CCDC7: variants seen among roughly 807,000 people sequenced by gnomAD.
CCDC7 encodes the protein coiled-coil domain-containing protein 7.
CCDC7 carries 183 observed loss-of-function variants against 196.9 expected under a neutral mutation model. The observed-to-expected ratio is 0.93, with a 90% CI of 0.82 to 1.05. The LOEUF (loss-of-function observed/expected upper bound fraction) is 1.05, where lower values mean the gene tolerates loss of function less well. Among genes scored for constraint, CCDC7 ranks in the 50% least tolerant of loss-of-function variants. The pLI, the probability that CCDC7 is intolerant of heterozygous loss-of-function variation, is 0.00. For missense variants in CCDC7, 1,540 were observed against 1,482.2 expected (o/e 1.04, Z -0.64); for synonymous variants, 525 against 484.6 (o/e 1.08, Z -1.10).
At chr10:32,559,708 C>T (rs1314522648) in intron 13 of CCDC7, among the ~76,000 whole-genome samples, 1 of 149,628 alleles carries the variant, frequency 6.7e-6, no homozygotes, top group Non-Finnish European at 1.5e-5. Flanking sequence ...TAGATAAAAC[C>T]ACAAAGATGG....
intron 28 of CCDC7, among the ~76,000 whole-genome samples, chr10:32,733,993 G>A (rs1205004631): frequency 6.6e-6 from 1 of 152,108 alleles, no homozygotes; most frequent in Non-Finnish European, 1.5e-5. Flanking sequence ...GTGTAAATTC[G>A]TTCAACCATT....
intron 28 of CCDC7, among the ~76,000 whole-genome samples, chr10:32,760,423 T>G (rs11599802): frequency 0.83 from 125,649 of 150,896 alleles, 52,922 homozygotes; most frequent in Non-Finnish European, 0.9. Flanking sequence ...CCATAAAAAA[T>G]GATGAGTTCA....
At chr10:32,523,340 G>C (rs1311629620) in intron 11 of CCDC7, among the ~76,000 whole-genome samples, 1 of 152,086 alleles carries the variant, frequency 6.6e-6, no homozygotes, top group East Asian at 1.9e-4. Context: ...GAGCTCAGGA[G>C]TTCAAAACCA....
chr10:32,669,428 C>T (rs986871206), intron 21 of CCDC7, among the ~76,000 whole-genome samples: 7 of 151,986 alleles, frequency 4.6e-5, no homozygotes, highest in African/African-American at 7.3e-5. Context: ...CTCTCTTCTT[C>T]TATTTTTTTG....
At chr10:32,564,373 T>C (rs909714767) in intron 13 of CCDC7, among the ~76,000 whole-genome samples, 1 of 152,152 alleles carries the variant, frequency 6.6e-6, no homozygotes, top group African/African-American at 2.4e-5. Context: ...GTGGCACTAT[T>C]CACAATAGCA....
At chr10:32,574,315 T>A in intron 16 of CCDC7, 1 of 509,816 alleles carries the variant, frequency 2.0e-6, no homozygotes, top group Non-Finnish European at 2.7e-6. Context: ...ATATATTATA[T>A]AATAATATAA....
chr10:32,475,023 G>A (rs762435657), intron 8 of CCDC7, among the ~76,000 whole-genome samples: 154 of 152,308 alleles, frequency 1.0e-3, no homozygotes, highest in Admixed American at 2.0e-3. Flanking sequence ...AGAGAGCTCT[G>A]ACTGACTAGG....
intron 23 of CCDC7, among the ~76,000 whole-genome samples, chr10:32,692,439 G>C (rs1186372935): frequency 6.6e-6 from 1 of 152,180 alleles, no homozygotes; most frequent in Non-Finnish European, 1.5e-5. Flanking sequence ...AAACCGCATG[G>C]TGTCTGCTGG....
intron 9 of CCDC7, among the ~76,000 whole-genome samples, chr10:32,497,775 T>G (rs561223057): frequency 1.3e-5 from 2 of 152,316 alleles, no homozygotes; most frequent in East Asian, 3.9e-4. Context: ...TTATGATTTC[T>G]GTTCTCTTGC....
chr10:32,592,122 T>TG (rs1171628687), intron 18 of CCDC7, among the ~76,000 whole-genome samples: 1 of 152,228 alleles, frequency 6.6e-6, no homozygotes, highest in African/African-American at 2.4e-5. Flanking sequence ...CATATCACCT[T>TG]GGTAATCCAA....
Position 32,724,295 on chromosome 10 carries a change from A to T in CCDC7, c.2570-2439A>T, listed in dbSNP as rs188393310. On this transcript the variant is annotated intron_variant, in intron 25 of 41. Transcript: ENST00000639629. ...ACATCTCCCAAAAAATTTCCATGGG[A>T]TCCTCGGGGTTCTTTTCTTTTCTAG... 3.3e-5 allele frequency among the ~76,000 whole-genome samples: 5 copies of T among 152,134 alleles called. No homozygotes were observed. The East Asian group carries it at 9.7e-4, about 29-fold the overall frequency.
At chr10:32,692,715 C>T (rs891923384) in intron 23 of CCDC7, among the ~76,000 whole-genome samples, 1 of 152,196 alleles carries the variant, frequency 6.6e-6, no homozygotes, top group Non-Finnish European at 1.5e-5. Flanking sequence ...TAACAATTAA[C>T]CTTATTCACT....
At chr10:32,752,226 A>G (rs1003653306) in intron 28 of CCDC7, among the ~76,000 whole-genome samples, 1 of 150,370 alleles carries the variant, frequency 6.7e-6, no homozygotes, top group Non-Finnish European at 1.5e-5. Flanking sequence ...GAGGTTGACT[A>G]GTATTTATAG....
rs188896996 is a variant in CCDC7, at chr10:32,750,042, C to G, written c.2905+20585C>G. 6.6e-5 allele frequency among the ~76,000 whole-genome samples: 10 copies of G among 152,082 alleles called. No homozygotes were observed. In the East Asian group the frequency reaches 1.9e-3, roughly 29 times the overall value. ...TTGCCAATATTCAACTATTTTTGAC[C>G]TATAAGAAAATGACAAATTCATGTG... On this transcript the variant is annotated intron_variant, in intron 28 of 41. Transcript: ENST00000639629.
intron 24 of CCDC7, among the ~76,000 whole-genome samples, chr10:32,697,586 C>T (rs1306705248): frequency 7.9e-5 from 12 of 152,136 alleles, no homozygotes; most frequent in Admixed American, 6.6e-4. Flanking sequence ...CACAGCAATC[C>T]GAGATCAAAC....
intron 20 of CCDC7, among the ~76,000 whole-genome samples, chr10:32,648,690 T>C (rs778791433): frequency 2.6e-5 from 4 of 152,216 alleles, no homozygotes; most frequent in Non-Finnish European, 4.4e-5. Context: ...TCTTTGACAT[T>C]TTAATAATAG....
chr10:32,794,199 A>C (rs933069209), intron 29 of CCDC7, among the ~76,000 whole-genome samples: 1 of 152,104 alleles, frequency 6.6e-6, no homozygotes, highest in African/African-American at 2.4e-5. Flanking sequence ...CTGTCCCTGC[A>C]TTGTCTTAGG....
chr10:32,805,131 AT>A (rs2085562663), intron 30 of CCDC7, 33 bp downstream of exon 31: 2 of 1,474,354 alleles, frequency 1.4e-6, no homozygotes, highest in East Asian at 4.5e-5. Context: ...AATATTTCTC[AT>A]TTATTTTTCT....
At chr10:32,636,992 T>G (rs2065775486) in intron 20 of CCDC7, among the ~76,000 whole-genome samples, 1 of 152,220 alleles carries the variant, frequency 6.6e-6, no homozygotes, top group Non-Finnish European at 1.5e-5. Context: ...ATGATGAGCA[T>G]TTTTTCATGT....
Sources: gnomAD v4.1 joint callset for allele counts (sites outside exome capture counted in the v4.1 genomes callset) on GRCh38, gnomAD v4.1.1 for gene constraint, MANE v1.5 for transcripts, NCBI Gene and HGNC (gene_info 2026-07-23, HGNC 2026-07-21) for gene names.